PUM1: variants seen among roughly 807,000 people sequenced by gnomAD.
PUM1 encodes pumilio RNA binding family member 1.
PUM1 carries 13 observed loss-of-function variants against 131.8 expected under a neutral mutation model. The observed-to-expected ratio is 0.10, with a 90% confidence interval of 0.06 to 0.16. PUM1 has a LOEUF of 0.16. Ranked by LOEUF, PUM1 falls within the 10% of genes least tolerant of loss-of-function variation. PUM1 has a pLI of 1.00. For synonymous variants in PUM1, 509 were observed against 556.5 expected, an observed-to-expected ratio of 0.91 and a Z score of 1.20; for missense variants, 961 against 1,512.4, an observed-to-expected ratio of 0.64 and a Z score of 6.05.
intron 3 of PUM1, among the ~76,000 whole-genome samples, chr1:31,020,981 AAGT>A (rs1642999852): frequency 6.6e-6 from 1 of 152,208 alleles, no homozygotes; most frequent in South Asian, 2.1e-4. Flanking sequence ...AATGGAACAA[AAGT>A]AATTCTATTT....
intron 14 of PUM1, among the ~76,000 whole-genome samples, chr1:30,958,885 T>C (rs1304178820): frequency 6.6e-6 from 1 of 152,216 alleles, no homozygotes; most frequent in African/African-American, 2.4e-5. Flanking sequence ...ACATCTGCCT[T>C]GTTCAGGGTC....
intron 3 of PUM1, among the ~76,000 whole-genome samples, chr1:31,017,965 G>T (rs1489532319): frequency 6.6e-6 from 1 of 152,186 alleles, no homozygotes; most frequent in Non-Finnish European, 1.5e-5. Flanking sequence ...ATGTGAAATG[G>T]TAAGAAAAGG....
chr1:30,970,470 A>G (rs1640830708), intron 10 of PUM1, among the ~76,000 whole-genome samples: 3 of 152,210 alleles, frequency 2.0e-5, no homozygotes, highest in Admixed American at 2.0e-4. Flanking sequence ...ACTGCCTGAT[A>G]CCCAGGAGAT....
At position 30,988,666 on chromosome 1, in the gene PUM1, G is replaced by C. The variant is rs143176110; in HGVS notation, c.1158+3724C>G. ...TCTGAGACTTCCAGCTGGTTCTCAAGGCCTCCGGGACTCAATTTTCAAAGG... is the reference window on the plus strand; with the variant it reads ...TCTGAGACTTCCAGCTGGTTCTCAACGCCTCCGGGACTCAATTTTCAAAGG... On this transcript the variant is annotated intron_variant, in intron 7 of 21. Coordinates refer to ENST00000426105, the MANE Select transcript of PUM1 (RefSeq NM_001020658.2). Among the ~76,000 whole-genome samples the C allele has an allele frequency of 6.0e-4, 92 of 152,302 alleles. No homozygotes were observed. The East Asian group carries it at 0.014, about 24-fold the overall frequency.
chr1:31,040,260 T>C (rs1643774795), intron 2 of PUM1, among the ~76,000 whole-genome samples: 1 of 152,000 alleles, frequency 6.6e-6, no homozygotes, highest in Non-Finnish European at 1.5e-5. Context: ...CACCGGATGT[T>C]AAGGGAAAAA....
At position 31,044,411 on chromosome 1, in the gene PUM1, A is replaced by C. The variant is rs1394483706; in HGVS notation, c.363+14793T>G. Among the ~76,000 whole-genome samples the C allele has an allele frequency of 2.6e-5, 4 of 152,108 alleles. No individual in the cohort carries two copies. The South Asian group carries it at 8.3e-4, about 32-fold the overall frequency. On this transcript the variant is annotated intron_variant, in intron 2 of 21. Coordinates refer to ENST00000426105, the MANE Select transcript of PUM1 (RefSeq NM_001020658.2). ...CGAGACTCCATCTAAAAAATAAAAA[A>C]TAAAAATAAATGATGTACTGATAAA...
At chr1:30,996,867 A>C (rs978688748) in intron 5 of PUM1, among the ~76,000 whole-genome samples, 1 of 152,232 alleles carries the variant, frequency 6.6e-6, no homozygotes, top group Non-Finnish European at 1.5e-5. Flanking sequence ...CTGTGTACTC[A>C]TTTTTATATC....
At chr1:30,992,917 G>C (rs914703143) in intron 6 of PUM1, among the ~76,000 whole-genome samples, 4 of 152,072 alleles carry the variant, frequency 2.6e-5, no homozygotes, top group Non-Finnish European at 5.9e-5. Context: ...CTTCACCAAG[G>C]GGGCCGGGTT....
At chr1:30,971,079 C>T (rs1640855810) in intron 10 of PUM1, among the ~76,000 whole-genome samples, 1 of 152,194 alleles carries the variant, frequency 6.6e-6, no homozygotes, top group South Asian at 2.1e-4. Flanking sequence ...TCATCAATAG[C>T]TGTCAAATCC....
At position 31,059,250 on chromosome 1, in the gene PUM1, C is replaced by G. The variant is rs2124007884; in HGVS notation, c.317G>C (p.Ser106Thr). ...ATCCCCAGTAGGCCATCGATGTTTG[C>G]TATTATTATAGCCGCCTCCTCCACT... ...GGSGGGGYNNSKHRWPTGDNI... is the reference protein window; with the variant it reads ...GGSGGGGYNNTKHRWPTGDNI... Residue 106 changes from serine (S) to threonine (T), a missense_variant, in exon 2 of 22, where the codon AGC (serine) becomes ACC (threonine). Ser to Thr is a moderately conservative substitution (Grantham distance 58). Coordinates refer to ENST00000426105, the MANE Select transcript of PUM1 (RefSeq NM_001020658.2). The G allele has an allele frequency of 6.2e-7, 1 of 1,611,156 alleles. No homozygotes were observed. Among genetic ancestry groups the G allele is most frequent in the South Asian group, 1.1e-5 (1 of 90,600 alleles).
At chr1:31,058,846 T>A (rs1419061895) in intron 2 of PUM1, among the ~76,000 whole-genome samples, 1 of 151,792 alleles carries the variant, frequency 6.6e-6, no homozygotes, top group Non-Finnish European at 1.5e-5. Flanking sequence ...GGTGCACACC[T>A]GTAGTCCCAG....
intron 9 of PUM1, among the ~76,000 whole-genome samples, chr1:30,977,521 G>A (rs544460030): frequency 6.6e-6 from 1 of 152,272 alleles, no homozygotes; most frequent in African/African-American, 2.4e-5. Context: ...CATGGCCTAA[G>A]GTTAAATTTA....
intron 7 of PUM1, among the ~76,000 whole-genome samples, chr1:30,987,220 G>A (rs894268506): frequency 6.9e-6 from 1 of 145,010 alleles, no homozygotes; most frequent in Non-Finnish European, 1.5e-5. Flanking sequence ...TTTTTAAGAC[G>A]GCGTCTCACT....
chr1:31,021,080 C>G (rs927324313), intron 3 of PUM1, among the ~76,000 whole-genome samples: 3 of 152,158 alleles, frequency 2.0e-5, no homozygotes, highest in East Asian at 1.9e-4. Flanking sequence ...AAAGTACCAT[C>G]GATCTGTAAC....
At chr1:31,002,448 A>T (rs1432013142) in intron 5 of PUM1, among the ~76,000 whole-genome samples, 1 of 137,566 alleles carries the variant, frequency 7.3e-6, no homozygotes, top group Non-Finnish European at 1.7e-5. Context: ...TGGGCACCAT[A>T]AACCAGCAAG....
chr1:30,997,865 C>T (rs1251428333), intron 5 of PUM1, among the ~76,000 whole-genome samples: 2 of 151,682 alleles, frequency 1.3e-5, no homozygotes, highest in South Asian at 2.1e-4. Flanking sequence ...CCACCACGCC[C>T]GGCATGGCCT....
intron 16 of PUM1, 33 bp downstream of exon 16, chr1:30,952,198 CTCT>C: frequency 6.2e-7 from 1 of 1,600,594 alleles, no homozygotes; most frequent in Non-Finnish European, 8.6e-7. Context: ...TCTGCAGATT[CTCT>C]TAAGTCAAAG....
intron 2 of PUM1, 81 bp from the exon 3 acceptor site, chr1:31,028,945 T>C: frequency 9.0e-7 from 1 of 1,108,596 alleles, no homozygotes; most frequent in Non-Finnish European, 1.4e-6. Context: ...ATTGAAAATT[T>C]ATTCTATGTT....
intron 2 of PUM1, among the ~76,000 whole-genome samples, chr1:31,056,169 C>A (rs1644231750): frequency 6.6e-6 from 1 of 152,162 alleles, no homozygotes; most frequent in Admixed American, 6.6e-5. Flanking sequence ...GTGTCCCAAA[C>A]CAGAGGCACT....
Sources: allele counts gnomAD v4.1 joint callset (sites outside exome capture counted in the v4.1 genomes callset), GRCh38; gene constraint gnomAD v4.1.1; transcripts MANE v1.5; gene names NCBI Gene and HGNC (gene_info 2026-07-23, HGNC 2026-07-21).